ZNF385D: variants seen among roughly 807,000 people sequenced by gnomAD.
ZNF385D encodes zinc finger protein 385D.
In ZNF385D, 15 loss-of-function variants were observed where a neutral mutation model predicts 35.8. The ratio of observed to expected loss-of-function variants is 0.42; its 90% CI spans 0.28 to 0.64. ZNF385D has a LOEUF of 0.64. Ranked by LOEUF, ZNF385D falls within the 30% of genes least tolerant of loss-of-function variation. ZNF385D has a pLI of 0.23. For missense variants in ZNF385D, 474 were observed against 494.6 expected, an observed-to-expected ratio of 0.96 and a Z score of 0.39; for synonymous variants, 212 against 186.8, an observed-to-expected ratio of 1.13 and a Z score of -1.10.
chr3:22,078,528 T>C (rs112953985), intron 3 of ZNF385D, among the ~76,000 whole-genome samples: 50 of 152,184 alleles, frequency 3.3e-4, no homozygotes, highest in Non-Finnish European at 6.2e-4. Flanking sequence ...TGAGAGGATT[T>C]TGCAACACTG....
At chr3:22,213,797 C>G (rs747866108) in intron 2 of ZNF385D, among the ~76,000 whole-genome samples, 2 of 152,134 alleles carry the variant, frequency 1.3e-5, no homozygotes, top group Admixed American at 6.6e-5. Context: ...GGAAGACTAA[C>G]CATCAACTAA....
intron 2 of ZNF385D, among the ~76,000 whole-genome samples, chr3:22,282,515 T>C (rs1701811078): frequency 6.6e-6 from 1 of 152,112 alleles, no homozygotes; most frequent in Non-Finnish European, 1.5e-5. Flanking sequence ...AGCAGGTTAT[T>C]TAATTTCCAT....
At chr3:22,223,881 T>C (rs1227174419) in intron 2 of ZNF385D, among the ~76,000 whole-genome samples, 3 of 152,122 alleles carry the variant, frequency 2.0e-5, no homozygotes, top group Non-Finnish European at 1.5e-5. Context: ...TTATTTATTT[T>C]TTTACTACAT....
Position 21,751,008 on chromosome 3 carries a change from C to G in ZNF385D, c.-92G>C. ...GAGCAGAGCCCTTTCATGCTACATT[C>G]GGTGGAAATGTCCCCGGCGTGGAGA... On this transcript the variant is annotated 5_prime_UTR_variant, in exon 1 of 8. Transcript: ENST00000281523. 7 of 1,608,604 alleles carry G rather than the reference C, an allele frequency of 4.4e-6. No individual in the cohort carries two copies. Among genetic ancestry groups the G allele is most frequent in the Middle Eastern group, 2.0e-4 (1 of 5,038 alleles).
At chr3:22,178,167 T>C (rs1274882583) in intron 2 of ZNF385D, among the ~76,000 whole-genome samples, 2 of 152,338 alleles carry the variant, frequency 1.3e-5, no homozygotes, top group East Asian at 3.9e-4. Flanking sequence ...CACACCGACT[T>C]CCACAATGGT....
At position 21,412,661 on chromosome 3, in the gene ZNF385D, G is replaced by A. The variant is rs943944421; in HGVS notation, c.*8553C>T. 6.6e-6 allele frequency: 1 copy of A among 152,088 alleles called. No individual in the cohort carries two copies. The highest frequency in any genetic ancestry group is 6.6e-5 in the Admixed American group (1 of 15,252). 9.4% of individuals were successfully genotyped at this position (152,088 alleles called of 1,614,324 possible). On this transcript the variant is annotated 3_prime_UTR_variant, in exon 8 of 8. Coordinates refer to ENST00000281523, the MANE Select transcript of ZNF385D (RefSeq NM_024697.3). ...GAGAGAGGATATAATGGCTAAGGAT[G>A]TTCCTAGAGCTGCTGAAGGAACCAG...
At chr3:21,881,289 G>T (rs1337461763) in intron 3 of ZNF385D, among the ~76,000 whole-genome samples, 2 of 151,902 alleles carry the variant, frequency 1.3e-5, no homozygotes, top group Non-Finnish European at 2.9e-5. Context: ...GACTCTGTTG[G>T]GAGAGGCTAA....
At position 22,334,614 on chromosome 3, in the gene ZNF385D, T is replaced by C. The variant is rs539940959; in HGVS notation, c.106+37836A>G. On this transcript the variant is annotated intron_variant, in intron 2 of 5. Transcript: ENST00000494108. The stretch of plus-strand genomic sequence containing the variant: ...TCATCTGACCATAATAGTTGAATTA[T>C]ATTTTCTTAGGTCTAAAATTCTATT... 9.2e-5 allele frequency among the ~76,000 whole-genome samples: 14 copies of C among 152,324 alleles called. No homozygotes were observed. The East Asian group carries it at 2.7e-3, about 29-fold the overall frequency.
intron 2 of ZNF385D, among the ~76,000 whole-genome samples, chr3:22,197,363 A>G (rs888327792): frequency 6.6e-6 from 1 of 151,714 alleles, no homozygotes; most frequent in Non-Finnish European, 1.5e-5. Context: ...TTTTTCCTGT[A>G]TTTTTCCATA....
intron 3 of ZNF385D, among the ~76,000 whole-genome samples, chr3:21,971,369 T>C (rs1488178002): frequency 1.3e-5 from 2 of 152,044 alleles, no homozygotes; most frequent in Non-Finnish European, 2.9e-5. Flanking sequence ...TACTTGCTTG[T>C]TTTTTGTTTG....
At chr3:22,346,819 CA>C (rs1695678999) in intron 2 of ZNF385D, among the ~76,000 whole-genome samples, 1 of 152,118 alleles carries the variant, frequency 6.6e-6, no homozygotes, top group Non-Finnish European at 1.5e-5. Flanking sequence ...ATGGTAAATG[CA>C]AACTACCACT....
rs150506010 is a variant in ZNF385D at position 21,571,103 on chromosome 3, A to T, written c.166-6419T>A. 3.5e-3 allele frequency among the ~76,000 whole-genome samples: 537 copies of T among 152,254 alleles called. 2 individuals carry two copies. The highest frequency in any genetic ancestry group is 0.012 in the African/African-American group (511 of 41,546). ...AACATAGGCATACCCTCATATTTACACCATCCCAATAAAGAGATGGAACAT... is the reference window on the plus strand; with the variant it reads ...AACATAGGCATACCCTCATATTTACTCCATCCCAATAAAGAGATGGAACAT... On this transcript the variant is annotated intron_variant, in intron 2 of 7. Transcript: ENST00000281523.
At chr3:21,623,038 A>G (rs2065047973) in intron 2 of ZNF385D, among the ~76,000 whole-genome samples, 1 of 152,120 alleles carries the variant, frequency 6.6e-6, no homozygotes, top group Non-Finnish European at 1.5e-5. Flanking sequence ...TAGAGGCAGT[A>G]TAACATGTTC....
chr3:21,903,449 G>A (rs1477851788), intron 3 of ZNF385D, among the ~76,000 whole-genome samples: 1 of 152,092 alleles, frequency 6.6e-6, no homozygotes, highest in African/African-American at 2.4e-5. Flanking sequence ...GAGTCTCTGA[G>A]GCTGGCTTCA....
intron 3 of ZNF385D, among the ~76,000 whole-genome samples, chr3:22,140,345 G>A (rs1194460323): frequency 6.6e-6 from 1 of 152,114 alleles, no homozygotes; most frequent in East Asian, 1.9e-4. Context: ...ATGCTGTGTG[G>A]TTCTATTTAT....
chr3:21,743,215 G>T (rs937099870), intron 1 of ZNF385D, among the ~76,000 whole-genome samples: 4 of 152,202 alleles, frequency 2.6e-5, no homozygotes, highest in African/African-American at 7.2e-5. Flanking sequence ...TGAACAAATG[G>T]TAGAGATGGG....
chr3:22,320,819 GATTTT>G (rs1001389356), intron 2 of ZNF385D, among the ~76,000 whole-genome samples: 31 of 151,432 alleles, frequency 2.0e-4, no homozygotes, highest in Admixed American at 1.4e-3. Flanking sequence ...GTAATTTTTT[GATTTT>G]ATAAGTGTTC....
intron 2 of ZNF385D, among the ~76,000 whole-genome samples, chr3:22,191,633 C>A (rs980495432): frequency 6.6e-6 from 1 of 151,944 alleles, no homozygotes; most frequent in Non-Finnish European, 1.5e-5. Flanking sequence ...GATCTATTGT[C>A]TTTAAATGTT....
chr3:21,570,052 T>C (rs2063284722), intron 2 of ZNF385D, among the ~76,000 whole-genome samples: 1 of 150,818 alleles, frequency 6.6e-6, no homozygotes, highest in Non-Finnish European at 1.5e-5. Flanking sequence ...AAACTTAAAG[T>C]ATAATAATAA....
Sources: gnomAD v4.1 joint callset for allele counts (sites outside exome capture counted in the v4.1 genomes callset) on GRCh38, gnomAD v4.1.1 for gene constraint, MANE v1.5 for transcripts, NCBI Gene and HGNC (gene_info 2026-07-23, HGNC 2026-07-21) for gene names.